The following AHDC1 variants were observed in gnomAD, a reference collection of about 807,000 sequenced individuals.
The protein encoded by AHDC1 is transcription factor Gibbin.
A neutral mutation model predicts 87.9 loss-of-function variants in AHDC1; 7 were observed. That is an observed-to-expected ratio of 0.08 (90% confidence interval 0.05 to 0.15). The LOEUF is 0.15. AHDC1 is among the 10% of genes least tolerant of loss of function. The pLI, the probability that AHDC1 is intolerant of heterozygous loss-of-function variation, is 1.00. For missense variants in AHDC1, 1,841 were observed against 2,253.2 expected (o/e 0.82, Z 3.70); for synonymous variants, 1,051 against 1,006.8 (o/e 1.04, Z -0.83).
At position 27,550,310 on chromosome 1, in the gene AHDC1, T is replaced by A. The variant is rs982736623; in HGVS notation, c.1806A>T (p.Ala602=). Residue 602 remains alanine, a synonymous_variant, in exon 8 of 9, where the codon GCA becomes GCT. Coordinates refer to ENST00000673934, the MANE Select transcript of AHDC1 (RefSeq NM_001371928.1). ...CGGCCTTGCTGTCGTTGGCGTCTGC[T>A]GCATAGGATGGCTGGGGAGATGCCA... is the stretch of plus-strand genomic sequence containing the variant. ...QKLASPQPSY[A]ADANDSKAEY... is the part of the protein sequence containing the mutation. 6.2e-7 allele frequency: 1 copy of A among 1,613,988 alleles called. No homozygotes were observed. The highest frequency in any genetic ancestry group is 8.5e-7 in the Non-Finnish European group (1 of 1,180,002).
At position 27,593,156 on chromosome 1, in the gene AHDC1, C is replaced by T. The variant is rs112945506; in HGVS notation, c.-629+10241G>A. On this transcript the variant is annotated intron_variant, in intron 3 of 8. Coordinates refer to ENST00000673934, the MANE Select transcript of AHDC1 (RefSeq NM_001371928.1). This position sits in a 1 kb window ranked among gnomAD's most constrained non-coding sequence, Gnocchi z 4.9. ...TCCTCAGGGAAGGCCCCTAGGGTCC[C>T]GGGCTCCCTCCAGGGCTGGCTGGGG... Among the ~76,000 whole-genome samples the T allele has an allele frequency of 1.6e-4, 25 of 152,102 alleles. 1 individual carries two copies. Among genetic ancestry groups the T allele is most frequent in the South Asian group, 6.2e-4 (3 of 4,808 alleles).
rs1006666315 is a variant in AHDC1 at position 27,560,952 on chromosome 1, C to T, written c.-628-2069G>A. Among the ~76,000 whole-genome samples the T allele has an allele frequency of 6.6e-6, 1 of 152,092 alleles. No individual in the cohort carries two copies. The highest frequency in any genetic ancestry group is 1.5e-5 in the Non-Finnish European group (1 of 68,006). ...GTGCCTGCTTCCCTCTTCCCTCCCT[C>T]TCCCTCCCTTCCTCTCTCTCTCTCT... On this transcript the variant is annotated intron_variant, in intron 3 of 8. Coordinates refer to ENST00000673934, the MANE Select transcript of AHDC1 (RefSeq NM_001371928.1). This position sits in a 1 kb window ranked among gnomAD's most constrained non-coding sequence, Gnocchi z 4.1.
At chr1:27,567,083 G>A (rs2020353648) in intron 3 of AHDC1, among the ~76,000 whole-genome samples, 1 of 152,118 alleles carries the variant, frequency 6.6e-6, no homozygotes, top group South Asian at 2.1e-4. Flanking sequence ...CTGCTCTCCA[G>A]GCCGTCTGTG....
At chr1:27,544,026 G>C (rs1047492228) in intron 8 of AHDC1, among the ~76,000 whole-genome samples, 3 of 152,084 alleles carry the variant, frequency 2.0e-5, no homozygotes, top group Admixed American at 6.5e-5. Context: ...GGGGAGATGA[G>C]AGGCAGCCAT....
At chr1:27,570,078 T>C (rs1030680758) in intron 3 of AHDC1, among the ~76,000 whole-genome samples, 3 of 152,018 alleles carry the variant, frequency 2.0e-5, no homozygotes, top group African/African-American at 7.2e-5. Flanking sequence ...CATCTTTCCA[T>C]TCCTGGGCCC....
intron 3 of AHDC1, among the ~76,000 whole-genome samples, chr1:27,599,382 C>A (rs549177844): frequency 6.6e-6 from 1 of 152,272 alleles, no homozygotes; most frequent in South Asian, 2.1e-4. Flanking sequence ...CTCTCTCTCC[C>A]GGCAGCAGCG....
Position 27,555,759 on chromosome 1 carries a change from G to A in AHDC1, c.-225+2546C>T, listed in dbSNP as rs564084144. 8.6e-5 allele frequency among the ~76,000 whole-genome samples: 12 copies of A among 140,062 alleles called. No individual in the cohort carries two copies. The South Asian group carries it at 1.3e-3, about 16-fold the overall frequency. 91.9% of individuals were successfully genotyped at this position (140,062 alleles called of 152,430 possible). A position where few individuals can be genotyped will look rare whatever the true frequency, so the allele number is the denominator to read the frequency against. On this transcript the variant is annotated intron_variant, in intron 5 of 8. Transcript: ENST00000673934. The stretch of plus-strand genomic sequence containing the variant: ...GGGTCAGGCTAGCCGAGCCTTCCCC[G>A]CCCTGGAGACCTCCCAGCTGGGGCC...
At chr1:27,597,114 T>C (rs1478876471) in intron 3 of AHDC1, among the ~76,000 whole-genome samples, 2 of 152,068 alleles carry the variant, frequency 1.3e-5, no homozygotes, top group Admixed American at 6.5e-5. Context: ...ACCTTCTGCC[T>C]CCCCACCTTG....
chr1:27,548,396 G>T lies in AHDC1; in HGVS notation c.3720C>A (p.Asp1240Glu), dbSNP rs1417216377. 1 of 1,609,820 alleles carries T rather than the reference G, an allele frequency of 6.2e-7. No individual in the cohort carries two copies. The highest frequency in any genetic ancestry group is 8.5e-7 in the Non-Finnish European group (1 of 1,176,784). ...KPGRGRRKKV[D>E]LFEASHLGFP... is the part of the protein sequence containing the mutation. Reference sequence around the variant, plus strand: ...AGCCCAGATGTGAGGCCTCGAACAGGTCCACCTTCTTCCGCCGTCCACGGC... The same window carrying T: ...AGCCCAGATGTGAGGCCTCGAACAGTTCCACCTTCTTCCGCCGTCCACGGC... Residue 1240 changes from aspartate (D) to glutamate (E), a missense_variant, in exon 8 of 9, where the codon GAC becomes GAA. This residue lies in a region of AHDC1 where 505 missense variants were observed against 626.2 expected (regional missense o/e 0.81). Coordinates refer to ENST00000673934, the MANE Select transcript of AHDC1 (RefSeq NM_001371928.1).
intron 3 of AHDC1, among the ~76,000 whole-genome samples, chr1:27,579,377 TCACCACCCCA>T (rs915530081): frequency 2.6e-5 from 4 of 152,140 alleles, no homozygotes; most frequent in African/African-American, 9.7e-5. Flanking sequence ...AGTCTAAATC[TCACCACCCCA>T]CACCACCCCA....
rs548524160 is a variant in AHDC1 at position 27,561,336 on chromosome 1, C to T, written c.-628-2453G>A. On this transcript the variant is annotated intron_variant, in intron 3 of 8. Coordinates refer to ENST00000673934, the MANE Select transcript of AHDC1 (RefSeq NM_001371928.1). This position sits in a 1 kb window ranked among gnomAD's most constrained non-coding sequence, Gnocchi z 4.2. ...GGAGTCTGCATGGGGTCTGCCTGGC[C>T]CTGAGTGTTGGGGGGGAACTTCAGG... Among the ~76,000 whole-genome samples, 5 of 150,910 alleles carry T rather than the reference C, an allele frequency of 3.3e-5. No homozygotes were observed. The South Asian group carries it at 1.0e-3, about 31-fold the overall frequency.
At chr1:27,553,667 G>A (rs955748117) in intron 5 of AHDC1, 3 of 152,084 alleles carry the variant, frequency 2.0e-5, no homozygotes, top group African/African-American at 7.2e-5. Context: ...ACTACCCCCT[G>A]GAAGATGGTA....
At chr1:27,586,411 G>A (rs529021134) in intron 3 of AHDC1, among the ~76,000 whole-genome samples, 1 of 152,266 alleles carries the variant, frequency 6.6e-6, no homozygotes, top group African/African-American at 2.4e-5. Context: ...AGCTAACCCG[G>A]CAATCACCTG....
chr1:27,538,690 T>A (rs2018766553), intron 8 of AHDC1, among the ~76,000 whole-genome samples: 1 of 152,014 alleles, frequency 6.6e-6, no homozygotes, highest in South Asian at 2.1e-4. Flanking sequence ...AATTATTTTA[T>A]TTTTTGAAAA....
At chr1:27,542,114 T>A (rs534743461) in intron 8 of AHDC1, among the ~76,000 whole-genome samples, 1 of 152,330 alleles carries the variant, frequency 6.6e-6, no homozygotes, top group Non-Finnish European at 1.5e-5. Flanking sequence ...CGCAGTGCAC[T>A]ATGGCAGCAA....
intron 3 of AHDC1, among the ~76,000 whole-genome samples, chr1:27,567,802 C>T (rs1259551415): frequency 2.6e-5 from 4 of 152,230 alleles, no homozygotes; most frequent in Admixed American, 2.0e-4. Flanking sequence ...ATCTCTCCCT[C>T]TTCACAGAAG....
At chr1:27,540,726 C>T (rs1458819005) in intron 8 of AHDC1, among the ~76,000 whole-genome samples, 1 of 152,028 alleles carries the variant, frequency 6.6e-6, no homozygotes, top group African/African-American at 2.4e-5. Flanking sequence ...CCAGAGCTCC[C>T]TCCTGTTTCC....
chr1:27,553,690 G>T (rs2019678155), intron 5 of AHDC1: 1 of 152,112 alleles, frequency 6.6e-6, no homozygotes, highest in Non-Finnish European at 1.5e-5. Context: ...CACCATAAAA[G>T]CAAGGATATC....
At chr1:27,586,409 C>T (rs776651590) in intron 3 of AHDC1, among the ~76,000 whole-genome samples, 1 of 152,086 alleles carries the variant, frequency 6.6e-6, no homozygotes, top group African/African-American at 2.4e-5. Flanking sequence ...ACAGCTAACC[C>T]GGCAATCACC....
Sources: gnomAD v4.1 joint callset for allele counts (sites outside exome capture counted in the v4.1 genomes callset) on GRCh38, gnomAD v4.1.1 for gene constraint, gnomAD v4.1.1 regional missense constraint, Gnocchi (gnomAD v3.1) non-coding constraint, MANE v1.5 for transcripts, NCBI Gene and HGNC (gene_info 2026-07-23, HGNC 2026-07-21) for gene names.